The following CLVS1 variants were observed in gnomAD, a reference collection of about 807,000 sequenced individuals.
CLVS1 encodes clavesin 1, also known as clavesin-1.
Under a neutral mutation model 33.1 loss-of-function variants are expected in CLVS1, and 10 were observed. The observed-to-expected ratio is 0.30, with a 90% CI of 0.19 to 0.51. The LOEUF (loss-of-function observed/expected upper bound fraction) is 0.51. Ranked by LOEUF, CLVS1 falls within the 20% of genes least tolerant of loss-of-function variation. The pLI, the probability that CLVS1 is intolerant of heterozygous loss-of-function variation, is 0.97. For synonymous variants in CLVS1, 163 were observed against 166.1 expected, an observed-to-expected ratio of 0.98 and a Z score of 0.14; for missense variants, 343 against 433.4, an observed-to-expected ratio of 0.79 and a Z score of 1.85.
At chr8:61,186,782 A>G (rs1807352433) in intron 2 of CLVS1, among the ~76,000 whole-genome samples, 1 of 152,228 alleles carries the variant, frequency 6.6e-6, no homozygotes, top group Admixed American at 6.5e-5. Flanking sequence ...ACTTTTAAAA[A>G]TGTAAAACTC....
At chr8:61,102,416 A>G (rs1016844854) in intron 1 of CLVS1, among the ~76,000 whole-genome samples, 3 of 152,210 alleles carry the variant, frequency 2.0e-5, no homozygotes, top group African/African-American at 4.8e-5. Context: ...TTGCTACTGT[A>G]TAGAAATACA....
chr8:61,326,786 A>T (rs1167828788), intron 2 of CLVS1, among the ~76,000 whole-genome samples: 3 of 152,236 alleles, frequency 2.0e-5, no homozygotes, highest in Non-Finnish European at 4.4e-5. Context: ...AGAACAAAAG[A>T]ATAATTGAGG....
At chr8:61,046,553 T>G in the CLVS1 span, among the ~76,000 whole-genome samples, 54,921 of 133,310 alleles carry the variant, frequency 0.41, 12,169 homozygotes, top group African/African-American at 0.53. Flanking sequence ...GATGGGGATG[T>G]CATTGAATCT....
chr8:61,172,814 G>A (rs1023970553), intron 2 of CLVS1, among the ~76,000 whole-genome samples: 1 of 152,284 alleles, frequency 6.6e-6, no homozygotes, highest in Middle Eastern at 3.4e-3. Flanking sequence ...CCCATCTTTA[G>A]TGTGTGCCTT....
intron 2 of CLVS1, among the ~76,000 whole-genome samples, chr8:61,227,897 T>C (rs1808362177): frequency 1.3e-5 from 2 of 152,176 alleles, no homozygotes; most frequent in African/African-American, 4.8e-5. Flanking sequence ...AGTAATTCAT[T>C]GAATAATGGA....
At chr8:60,969,184 A>G in the CLVS1 span, among the ~76,000 whole-genome samples, 1 of 152,176 alleles carries the variant, frequency 6.6e-6, no homozygotes, top group East Asian at 1.9e-4. Context: ...AAGTTACTGA[A>G]ATAAGGCTCT....
chr8:61,207,565 T>C (rs1365960097), intron 2 of CLVS1, among the ~76,000 whole-genome samples: 1 of 152,226 alleles, frequency 6.6e-6, no homozygotes. Context: ...CCAATATATA[T>C]GCAGTTTCAT....
chr8:61,322,904 A>C (rs552896441), intron 2 of CLVS1, among the ~76,000 whole-genome samples: 48 of 152,250 alleles, frequency 3.2e-4, no homozygotes, highest in African/African-American at 1.2e-3. Flanking sequence ...AACAAAATTT[A>C]GTCTCCCTTA....
upstream of CLVS1, among the ~76,000 whole-genome samples, chr8:61,285,892 G>A (rs1176046311): frequency 3.9e-5 from 6 of 151,956 alleles, no homozygotes; most frequent in Non-Finnish European, 7.4e-5. Flanking sequence ...AAATGTGTGA[G>A]GAATAAGGTC....
intron 2 of CLVS1, among the ~76,000 whole-genome samples, chr8:61,198,788 A>G (rs1204359803): frequency 2.0e-5 from 3 of 152,152 alleles, no homozygotes; most frequent in Non-Finnish European, 4.4e-5. Flanking sequence ...CCCATATGTT[A>G]GTCCCCACTT....
chr8:61,073,202 A>T (rs1804831938), intron 1 of CLVS1, among the ~76,000 whole-genome samples: 1 of 152,164 alleles, frequency 6.6e-6, no homozygotes, highest in African/African-American at 2.4e-5. Flanking sequence ...AAATCTCTTC[A>T]GAAAAAAAAA....
chr8:61,002,065 G>A, the CLVS1 span, among the ~76,000 whole-genome samples: 21 of 151,864 alleles, frequency 1.4e-4, no homozygotes, highest in Non-Finnish European at 2.2e-4. Flanking sequence ...TGCAGCCTCC[G>A]CCTCTCAGGC....
At chr8:61,369,353 G>T (rs1298203438) in intron 2 of CLVS1, among the ~76,000 whole-genome samples, 1 of 152,080 alleles carries the variant, frequency 6.6e-6, no homozygotes, top group East Asian at 1.9e-4. Context: ...GAGAAATAAG[G>T]ATTTATTTGC....
chr8:61,133,219 A>C (rs1806134035), intron 2 of CLVS1, among the ~76,000 whole-genome samples: 1 of 152,108 alleles, frequency 6.6e-6, no homozygotes, highest in Non-Finnish European at 1.5e-5. Flanking sequence ...GGAGTTCAAC[A>C]CATGGCCACA....
At chr8:61,316,470 G>T (rs1811013884) in intron 2 of CLVS1, among the ~76,000 whole-genome samples, 1 of 152,142 alleles carries the variant, frequency 6.6e-6, no homozygotes, top group South Asian at 2.1e-4. Flanking sequence ...GTATAATTCT[G>T]TGGCATACTG....
chr8:61,024,559 C>T, the CLVS1 span, among the ~76,000 whole-genome samples: 9 of 152,210 alleles, frequency 5.9e-5, no homozygotes, highest in African/African-American at 2.2e-4. Context: ...ACAGAGTGCT[C>T]AGCATGGATA....
chr8:61,441,052 G>A (rs1456266963), intron 3 of CLVS1, among the ~76,000 whole-genome samples: 1 of 152,130 alleles, frequency 6.6e-6, no homozygotes, highest in Non-Finnish European at 1.5e-5. Context: ...CTGTCACACG[G>A]TATAAGAGAA....
intron 2 of CLVS1, among the ~76,000 whole-genome samples, chr8:61,358,630 A>G (rs1812845888): frequency 6.6e-6 from 1 of 152,180 alleles, no homozygotes; most frequent in Admixed American, 6.5e-5. Flanking sequence ...CAAACAAAAA[A>G]CAGCTTTGGG....
At position 61,261,998 on chromosome 8, in the gene CLVS1, G is replaced by A. The variant is rs12679953; in HGVS notation, c.-151-37679G>A. On this transcript the variant is annotated intron_variant, in intron 2 of 2. Transcript: ENST00000522621. Reference sequence around the variant, plus strand: ...TGCGTGTGTGTGTGTGTGTGTGTGTGTGTGTGTGTGTGTGTGTGTGTGTGT... The same window carrying A: ...TGCGTGTGTGTGTGTGTGTGTGTGTATGTGTGTGTGTGTGTGTGTGTGTGT... Among the ~76,000 whole-genome samples, 458 of 108,868 alleles carry A rather than the reference G, an allele frequency of 4.2e-3. 5 individuals carry two copies. The highest frequency in any genetic ancestry group is 0.019 in the East Asian group (24 of 1,250). 71.4% of individuals were successfully genotyped at this position (108,868 alleles called of 152,430 possible). A position where few individuals can be genotyped will look rare whatever the true frequency, so the allele number is the denominator to read the frequency against.
Sources: allele counts gnomAD v4.1 joint callset (sites outside exome capture counted in the v4.1 genomes callset), GRCh38; gene constraint gnomAD v4.1.1; transcripts MANE v1.5; gene names NCBI Gene and HGNC (gene_info 2026-07-23, HGNC 2026-07-21).